Variants in MARF1 observed in about 807,000 individuals in gnomAD.
The protein encoded by MARF1 is limkain-b1.
In MARF1, 24 loss-of-function variants were observed where a neutral mutation model predicts 168.2. The ratio of observed to expected loss-of-function variants is 0.14; its 90% CI spans 0.10 to 0.20. The LOEUF is 0.20. MARF1 is among the 10% of genes least tolerant of loss of function. The pLI is 1.00. For missense variants in MARF1, 1,744 were observed against 2,143.6 expected, an observed-to-expected ratio of 0.81 and a Z score of 3.68; for synonymous variants, 868 against 822.4, an observed-to-expected ratio of 1.06 and a Z score of -0.95.
Position 15,625,445 on chromosome 16 carries a change from T to C in MARF1, c.1880A>G (p.Lys627Arg). The C allele has an allele frequency of 1.2e-6, 2 of 1,614,142 alleles. No homozygotes were observed. The highest frequency in any genetic ancestry group is 1.7e-6 in the Non-Finnish European group (2 of 1,180,020). ...CTGTGACCCTTTTCCAGGCGTGGCT[T>C]TGGCACTGGAAGATTGTTCACTTGC... ...KDASEQSSSAKATPGKGSQAN... is the reference protein window; with the variant it reads ...KDASEQSSSARATPGKGSQAN... The change falls in exon 8 of 27, where the codon AAA becomes AGA. Residue 627 changes from lysine (K) to arginine (R), a missense_variant. By Grantham distance (26) the Lys-to-Arg change is conservative (BLOSUM62 2). Transcript: ENST00000396368.
At chr16:15,602,784 C>T in intron 22 of MARF1, 2 of 375,210 alleles carry the variant, frequency 5.3e-6, no homozygotes, top group Middle Eastern at 5.1e-4. Flanking sequence ...TCGGGGGAGG[C>T]AAACTGTGTT....
At chr16:15,598,254 T>C (rs771036911) in intron 26 of MARF1, among the ~76,000 whole-genome samples, 1 of 152,192 alleles carries the variant, frequency 6.6e-6, no homozygotes, top group Non-Finnish European at 1.5e-5. Flanking sequence ...TCACGCAGCC[T>C]GTGGAATAAA....
chr16:15,604,614 A>T (rs1198315689), intron 21 of MARF1, among the ~76,000 whole-genome samples: 1 of 152,216 alleles, frequency 6.6e-6, no homozygotes, highest in Non-Finnish European at 1.5e-5. Context: ...CTGCCGGTCC[A>T]TAACTGAAAA....
intron 16 of MARF1, among the ~76,000 whole-genome samples, chr16:15,614,308 CT>C (rs1260708765): frequency 3.5e-4 from 48 of 138,300 alleles, no homozygotes; most frequent in East Asian, 8.9e-4. Context: ...CGGTGAAACC[CT>C]GTCTCTACTA....
rs1436627655 is a variant in MARF1, at chr16:15,615,937, G to C, written c.3146C>G (p.Pro1049Arg). 6.3e-7 allele frequency: 1 copy of C among 1,586,232 alleles called. No homozygotes were observed. The highest frequency in any genetic ancestry group is 1.7e-5 in the Admixed American group (1 of 57,368). ...EVVQENQGGV[P>R]LEHFITCVPG... ...AACACAGGTAATGAAGTGTTCTAAG[G>C]GAACACCTCCTTGGTTTTCTTGCAC... Residue 1049 changes from proline to arginine, a missense_variant, in exon 16 of 27, where the codon CCC (proline) becomes CGC (arginine). Physicochemically the swap from Pro to Arg is moderately radical, Grantham distance 103. Transcript: ENST00000396368.
At position 15,595,724 on chromosome 16, in the gene MARF1, C is replaced by T. The variant is rs560567429; in HGVS notation, c.*969G>A. The T allele has an allele frequency of 1.3e-5, 2 of 152,204 alleles. No individual in the cohort carries two copies. Among genetic ancestry groups the T allele is most frequent in the Admixed American group, 1.3e-4 (2 of 15,286 alleles). 9.4% of individuals were successfully genotyped at this position (152,204 alleles called of 1,614,324 possible). On this transcript the variant is annotated 3_prime_UTR_variant, in exon 27 of 27. Coordinates refer to ENST00000396368, the MANE Select transcript of MARF1 (RefSeq NM_014647.4). ...CAAGGTTAAGTGGATCAACCTTGGC[C>T]TTCCTATGTGTAGGTAGAATTCCTG...
chr16:15,612,815 G>T (rs760877517), intron 16 of MARF1, 38 bp from the exon 17 acceptor site: 2 of 1,559,472 alleles, frequency 1.3e-6, no homozygotes, highest in Non-Finnish European at 1.8e-6. Flanking sequence ...AGAAAGCACA[G>T]ATTTCACCAG....
At chr16:15,620,405 C>T (rs1393244504) in intron 13 of MARF1, 46 bp downstream of exon 13, 1 of 1,177,014 alleles carries the variant, frequency 8.5e-7, no homozygotes, top group East Asian at 2.4e-5. Context: ...GCATGTAAGC[C>T]ACCAATCAGT....
At chr16:15,612,366 G>T (rs1299638997) in intron 17 of MARF1, among the ~76,000 whole-genome samples, 191 bp downstream of exon 17, 1 of 152,218 alleles carries the variant, frequency 6.6e-6, no homozygotes, top group Admixed American at 6.5e-5. Context: ...TCTAAAACTG[G>T]AAACTAGCAG....
intron 16 of MARF1, among the ~76,000 whole-genome samples, chr16:15,613,615 T>C (rs1023021522): frequency 1.3e-5 from 2 of 150,472 alleles, no homozygotes; most frequent in Admixed American, 6.6e-5. Flanking sequence ...TGAGCCTAGA[T>C]TGCACCACTG....
At chr16:15,612,477 A>C in intron 17 of MARF1, 80 bp downstream of exon 17, 1 of 1,241,618 alleles carries the variant, frequency 8.1e-7, no homozygotes, top group East Asian at 2.3e-5. Flanking sequence ...TAGGAATTAA[A>C]CTGTTTCTTT....
Position 15,617,533 on chromosome 16 carries a change from A to C in MARF1, c.2723T>G (p.Phe908Cys). 6.2e-7 allele frequency: 1 copy of C among 1,603,764 alleles called. No individual in the cohort carries two copies. The highest frequency in any genetic ancestry group is 8.5e-7 in the Non-Finnish European group (1 of 1,173,192). The change falls in exon 14 of 27, where the codon TTT (phenylalanine) becomes TGT (cysteine). Residue 908 changes from phenylalanine (F) to cysteine (C), a missense_variant and splice_region_variant. Around this residue, in one of 7 missense-constraint regions of MARF1, gnomAD observed 543 missense variants for 742.1 expected, o/e 0.73. Coordinates refer to ENST00000396368, the MANE Select transcript of MARF1 (RefSeq NM_014647.4). ...FKFTDIYEKK[F>C]GHKLNVSDLY... ...ATCTGACACATTCAACTTGTGTCCA[A>C]ACCTAAAAGCAAGAGAAGAGAGACG...
At chr16:15,633,960 C>A in intron 4 of MARF1, 117 bp from the exon 5 acceptor site, 1 of 860,290 alleles carries the variant, frequency 1.2e-6, no homozygotes. Flanking sequence ...TTAATGAATG[C>A]CAAGTTTTAA....
At chr16:15,621,647 T>G in intron 12 of MARF1, 86 bp downstream of exon 12, 1 of 1,273,184 alleles carries the variant, frequency 7.9e-7, no homozygotes, top group Admixed American at 2.1e-5. Flanking sequence ...GGGGTGGGAA[T>G]GTGATTGAAT....
At position 15,623,104 on chromosome 16, in the gene MARF1, A is replaced by G. The variant is rs746657396; in HGVS notation, c.2290T>C (p.Leu764=). 6.2e-7 allele frequency: 1 copy of G among 1,601,712 alleles called. No homozygotes were observed. The highest frequency in any genetic ancestry group is 8.5e-7 in the Non-Finnish European group (1 of 1,169,824). ...AAAGCAAGCGGGGATGCTCTGTTTA[A>G]AAGGTTTGGAGACATACTCCTGCTT... ...WSSRSMSPNL[L]NRASPLAFNI... Residue 764 remains leucine, a synonymous_variant, in exon 11 of 27, where the codon TTA becomes CTA. Transcript: ENST00000396368.
At chr16:15,634,992 T>TTA in intron 3 of MARF1, 61 bp from the exon 4 acceptor site, 4 of 1,459,794 alleles carry the variant, frequency 2.7e-6, no homozygotes, top group Non-Finnish European at 3.8e-6. Flanking sequence ...GAAGCTGGAG[T>TTA]TATATACAAC....
chr16:15,633,799 G>T lies in MARF1; in HGVS notation c.1051C>A (p.Pro351Thr), dbSNP rs2035406134. The change falls in exon 5 of 27, where the codon CCC becomes ACC. Residue 351 changes from proline to threonine, a missense_variant. Around this residue, in one of 7 missense-constraint regions of MARF1, gnomAD observed 217 missense variants for 372.4 expected, o/e 0.58. Coordinates refer to ENST00000396368, the MANE Select transcript of MARF1 (RefSeq NM_014647.4). ...AVAGQVLENL[P>T]PIGVFWDIEN... ...ATATCCCAAAAAACTCCAATGGGGG[G>T]TAAGTTTTCTAGCACCTGTCCAGCT... 6.2e-7 allele frequency: 1 copy of T among 1,613,960 alleles called. No homozygotes were observed. Among genetic ancestry groups the T allele is most frequent in the South Asian group, 1.1e-5 (1 of 91,056 alleles).
intron 26 of MARF1, among the ~76,000 whole-genome samples, chr16:15,598,173 C>T (rs576167814): frequency 7.8e-4 from 119 of 152,324 alleles, no homozygotes; most frequent in Non-Finnish European, 1.4e-3. Context: ...GTTCCAATGC[C>T]GGCTCTGCCC....
intron 20 of MARF1, 46 bp downstream of exon 20, chr16:15,609,477 C>T (rs374512128): frequency 3.4e-5 from 51 of 1,496,556 alleles, no homozygotes; most frequent in African/African-American, 3.3e-4. Context: ...ATTTCCTATA[C>T]GTTGTTCAGA....
Sources: allele counts gnomAD v4.1 joint callset (sites outside exome capture counted in the v4.1 genomes callset), GRCh38; gene constraint gnomAD v4.1.1; regional missense constraint gnomAD v4.1.1; transcripts MANE v1.5; gene names NCBI Gene and HGNC (gene_info 2026-07-23, HGNC 2026-07-21).